Variants in SLC4A8 observed in about 807,000 individuals in gnomAD.
The protein encoded by SLC4A8 is electroneutral sodium bicarbonate exchanger 1.
In SLC4A8, 40 loss-of-function variants were observed where a neutral mutation model predicts 125.0. The observed-to-expected ratio is 0.32, with a 90% CI of 0.25 to 0.42. The LOEUF is 0.42. Ranked by LOEUF, SLC4A8 falls within the 10% of genes least tolerant of loss-of-function variation. The pLI is 1.00. For missense variants in SLC4A8, 863 were observed against 1,355.1 expected (o/e 0.64, Z 5.70); for synonymous variants, 456 against 476.0 (o/e 0.96, Z 0.55).
At chr12:51,479,784 A>G (rs144229391) in intron 16 of SLC4A8, among the ~76,000 whole-genome samples, 1,775 of 152,108 alleles carry the variant, frequency 0.012, 33 homozygotes, top group African/African-American at 0.04. Context: ...ACTTTGTAAA[A>G]TCAATGGTAT....
At chr12:51,452,401 T>A in intron 4 of SLC4A8, 142 bp downstream of exon 4, 1 of 902,594 alleles carries the variant, frequency 1.1e-6, no homozygotes, top group Non-Finnish European at 1.7e-6. Flanking sequence ...GTGTCTCCTG[T>A]GGAGAATTTT....
Position 51,510,090 on chromosome 12 carries a change from G to C in SLC4A8, c.*2652G>C, listed in dbSNP as rs1466239779. ...CCAGCAGCCTGCACAGCTGGTACGA[G>C]GACAGCTGGAGGAGGGTCTGATATC... is the stretch of plus-strand genomic sequence containing the variant. On this transcript the variant is annotated 3_prime_UTR_variant, in exon 25 of 25. Coordinates refer to ENST00000453097, the MANE Select transcript of SLC4A8 (RefSeq NM_001039960.3). 1 of 152,268 alleles carries C rather than the reference G, an allele frequency of 6.6e-6. No individual in the cohort carries two copies. The highest frequency in any genetic ancestry group is 2.4e-5 in the African/African-American group (1 of 41,430). The allele number at this position is 152,268 out of a possible 1,614,324, so 9.4% of individuals were successfully genotyped here.
chr12:51,408,051 A>G (rs747123485), intron 1 of SLC4A8, among the ~76,000 whole-genome samples: 1 of 152,132 alleles, frequency 6.6e-6, no homozygotes, highest in Admixed American at 6.5e-5. Context: ...CTGCTTCCCT[A>G]TAAGGACACC....
chr12:51,435,560 C>T (rs969706599), intron 1 of SLC4A8, among the ~76,000 whole-genome samples: 17 of 152,212 alleles, frequency 1.1e-4, no homozygotes, highest in Admixed American at 5.9e-4. Context: ...GAGTTCGAGA[C>T]CAGCCTGGGC....
At chr12:51,453,339 G>A (rs894357225) in intron 4 of SLC4A8, among the ~76,000 whole-genome samples, 200 bp from the exon 5 acceptor site, 1 of 152,084 alleles carries the variant, frequency 6.6e-6, no homozygotes, top group African/African-American at 2.4e-5. Context: ...AAATAAGAAT[G>A]GAATTAAACT....
At chr12:51,448,962 G>T (rs1006494351) in intron 2 of SLC4A8, among the ~76,000 whole-genome samples, 1 of 152,254 alleles carries the variant, frequency 6.6e-6, no homozygotes, top group East Asian at 1.9e-4. Context: ...TTTTTAAGAA[G>T]TCAGGAGAAA....
chr12:51,475,270 C>A, intron 16 of SLC4A8, 64 bp downstream of exon 16: 1 of 1,512,646 alleles, frequency 6.6e-7, no homozygotes, highest in Non-Finnish European at 9.1e-7. Context: ...CTTTTCTCAG[C>A]CTTCATGCTG....
intron 19 of SLC4A8, among the ~76,000 whole-genome samples, chr12:51,492,138 TA>T (rs1435066193): frequency 2.0e-5 from 3 of 152,224 alleles, no homozygotes; most frequent in Admixed American, 6.5e-5. Flanking sequence ...CTTTGAACAT[TA>T]AAAAAATGTT....
upstream of SLC4A8, among the ~76,000 whole-genome samples, chr12:51,424,054 C>CAAAA (rs1334821004): frequency 0.039 from 2,977 of 76,780 alleles, 159 homozygotes; most frequent in African/African-American, 0.094. Context: ...AAAAAAAAAA[C>CAAAA]AAAAAAAACA....
chr12:51,411,094 G>A (rs1948588936), intron 1 of SLC4A8, among the ~76,000 whole-genome samples: 1 of 143,996 alleles, frequency 6.9e-6, no homozygotes, highest in African/African-American at 2.6e-5. Context: ...TGAGATTTCA[G>A]TTCCTTATAC....
chr12:51,450,750 G>A, intron 2 of SLC4A8, 126 bp from the exon 3 acceptor site: 1 of 1,014,476 alleles, frequency 9.9e-7, no homozygotes. Flanking sequence ...AAGTTTTGTT[G>A]TTCCAGAGCT....
Position 51,494,978 on chromosome 12 carries a change from G to A in SLC4A8, c.2803G>A (p.Ala935Thr), listed in dbSNP as rs777467763. The A allele has an allele frequency of 3.1e-6, 5 of 1,614,062 alleles. No individual in the cohort carries two copies. Among genetic ancestry groups the A allele is most frequent in the South Asian group, 2.2e-5 (2 of 91,066 alleles). Reference sequence around the variant, plus strand: ...TCGTCTAAAGCTCTTTGGGATGCCCGCAAAGCACCAGCCAGATTTCATCTA... The same window carrying A: ...TCGTCTAAAGCTCTTTGGGATGCCCACAAAGCACCAGCCAGATTTCATCTA... ...FDRLKLFGMP[A>T]KHQPDFIYLR... The change falls in exon 21 of 25, where the codon GCA (alanine) becomes ACA (threonine). Residue 935 changes from alanine (A) to threonine (T), a missense_variant. By Grantham distance (58) the Ala-to-Thr change is moderately conservative. Around this residue, in one of 6 missense-constraint regions of SLC4A8, gnomAD observed 197 missense variants for 377.7 expected, o/e 0.52. Transcript: ENST00000453097.
At chr12:51,412,493 T>C (rs946928737) in intron 1 of SLC4A8, among the ~76,000 whole-genome samples, 1 of 152,248 alleles carries the variant, frequency 6.6e-6, no homozygotes, top group Non-Finnish European at 1.5e-5. Flanking sequence ...TTGTTAACTG[T>C]AGTCACCCTA....
At chr12:51,419,002 G>T (rs1020254988) in intron 1 of SLC4A8, among the ~76,000 whole-genome samples, 1 of 152,166 alleles carries the variant, frequency 6.6e-6, no homozygotes, top group African/African-American at 2.4e-5. Flanking sequence ...GGCTTTTGCT[G>T]GTGGGGGAGG....
Position 51,511,537 on chromosome 12 carries a change from G to T in SLC4A8, c.*4099G>T, listed in dbSNP as rs1183772207. On this transcript the variant is annotated 3_prime_UTR_variant, in exon 25 of 25. Transcript: ENST00000453097. ...CCCAAGTAGCTAGGATTACAGGTGC[G>T]CACCACCATGCCCAGCTAATTTTTG... 1 of 152,046 alleles carries T rather than the reference G, an allele frequency of 6.6e-6. No homozygotes were observed. The highest frequency in any genetic ancestry group is 2.1e-4 in the South Asian group (1 of 4,808). The allele number at this position is 152,046 out of a possible 1,614,324, so 9.4% of individuals were successfully genotyped here. A position where few individuals can be genotyped will look rare whatever the true frequency, so the allele number is the denominator to read the frequency against.
At chr12:51,492,047 A>G (rs1439033521) in intron 19 of SLC4A8, among the ~76,000 whole-genome samples, 1 of 152,212 alleles carries the variant, frequency 6.6e-6, no homozygotes, top group East Asian at 1.9e-4. Context: ...AGATGGAAAA[A>G]TGGCAGTGGC....
intron 1 of SLC4A8, among the ~76,000 whole-genome samples, chr12:51,435,053 C>T (rs1356797966): frequency 6.6e-6 from 1 of 152,108 alleles, no homozygotes; most frequent in African/African-American, 2.4e-5. Flanking sequence ...ATTGTATTCC[C>T]ATGGTGTTGT....
At chr12:51,476,027 G>T (rs1478829061) in intron 16 of SLC4A8, among the ~76,000 whole-genome samples, 1 of 152,158 alleles carries the variant, frequency 6.6e-6, no homozygotes, top group African/African-American at 2.4e-5. Flanking sequence ...CCACAGAAGG[G>T]CCCCCTGAAG....
intron 1 of SLC4A8, among the ~76,000 whole-genome samples, chr12:51,434,489 T>C (rs1028194001): frequency 6.6e-6 from 1 of 152,244 alleles, no homozygotes; most frequent in Non-Finnish European, 1.5e-5. Context: ...TAATGGTTAT[T>C]GACAGTGGCT....
Sources: gnomAD v4.1 joint callset for allele counts (sites outside exome capture counted in the v4.1 genomes callset) on GRCh38, gnomAD v4.1.1 for gene constraint, gnomAD v4.1.1 regional missense constraint, MANE v1.5 for transcripts, NCBI Gene and HGNC (gene_info 2026-07-23, HGNC 2026-07-21) for gene names.